The following LRRC9 variants were observed in gnomAD, a reference collection of about 807,000 sequenced individuals.
LRRC9 encodes the protein leucine rich repeat containing 9.
LRRC9 carries 122 observed loss-of-function variants against 63.2 expected under a neutral mutation model. The ratio of observed to expected loss-of-function variants is 1.93; its 90% CI spans 1.67 to 2.24. The LOEUF is 2.24. LRRC9 is among the 30% of genes most tolerant of loss of function. The probability of loss-of-function intolerance (pLI) is 0.00; values close to 1 mark genes in which losing one functional copy is unlikely to be tolerated. For synonymous variants in LRRC9, 366 were observed against 213.1 expected (o/e 1.72, Z -6.25); for missense variants, 1,071 against 627.7 (o/e 1.71, Z -7.55).
chr14:59,974,810 G>C (rs1885937087), intron 13 of LRRC9, 102 bp downstream of exon 13: 2 of 497,782 alleles, frequency 4.0e-6, no homozygotes, highest in Non-Finnish European at 7.0e-6. Context: ...CAACCAAGGA[G>C]ATGTTCTTCA....
Position 59,938,104 on chromosome 14 carries a change from G to C in LRRC9, c.544-286G>C, listed in dbSNP as rs1002477304. Among the ~76,000 whole-genome samples, 1 of 152,172 alleles carries C rather than the reference G, an allele frequency of 6.6e-6. No individual in the cohort carries two copies. The highest frequency in any genetic ancestry group is 1.5e-5 in the Non-Finnish European group (1 of 67,982). On this transcript the variant is annotated intron_variant, in intron 6 of 31. Coordinates refer to ENST00000445360, the Ensembl canonical transcript of LRRC9. The surrounding 1 kb of genome is among the most constrained non-coding windows in gnomAD (Gnocchi z 4.2). ...TGTGTAGGGGAAGCAACTTATTAAT[G>C]AATAAATGTGCTCACATCACTGGCT... is the stretch of plus-strand genomic sequence containing the variant.
intron 8 of LRRC9, among the ~76,000 whole-genome samples, chr14:59,957,375 T>C (rs1883877274): frequency 6.6e-6 from 1 of 152,088 alleles, no homozygotes; most frequent in Non-Finnish European, 1.5e-5. Context: ...TTTCAGTAAG[T>C]TGATCTTCAA....
intron 29 of LRRC9, among the ~76,000 whole-genome samples, chr14:60,040,667 T>C (rs950560357): frequency 1.3e-5 from 2 of 151,956 alleles, no homozygotes; most frequent in African/African-American, 4.9e-5. Context: ...GCCTGTGAGA[T>C]GGGTCTCCTG....
intron 1 of LRRC9, among the ~76,000 whole-genome samples, chr14:59,920,723 C>T (rs746435824): frequency 6.6e-6 from 1 of 152,174 alleles, no homozygotes; most frequent in Admixed American, 6.5e-5. Flanking sequence ...AAAGTTTTCT[C>T]AGAATGACAT....
chr14:60,007,053 T>C (rs1026215363), intron 22 of LRRC9, among the ~76,000 whole-genome samples: 4 of 152,234 alleles, frequency 2.6e-5, no homozygotes, highest in Admixed American at 1.3e-4. Flanking sequence ...AGAGGGTTTC[T>C]ATAGCACAGA....
chr14:59,954,515 C>T (rs1883521489), intron 8 of LRRC9, among the ~76,000 whole-genome samples: 1 of 152,076 alleles, frequency 6.6e-6, no homozygotes, highest in African/African-American at 2.4e-5. Flanking sequence ...GATTTTATAT[C>T]CTGAGACTTT....
intron 25 of LRRC9, 95 bp downstream of exon 25, chr14:60,018,574 A>C (rs1890877785): frequency 2.1e-6 from 1 of 480,326 alleles, no homozygotes; most frequent in African/African-American, 2.0e-5. Flanking sequence ...ATTAAAGTAG[A>C]TAAATTATTC....
In LRRC9 at chr14:60,031,444, A is replaced by G. The variant is rs1891983347; in HGVS notation, c.3922-551A>G. Among the ~76,000 whole-genome samples, 1 of 152,054 alleles carries G rather than the reference A, an allele frequency of 6.6e-6. No individual in the cohort carries two copies. Among genetic ancestry groups the G allele is most frequent in the South Asian group, 2.1e-4 (1 of 4,832 alleles). On this transcript the variant is annotated intron_variant, in intron 28 of 31. Transcript: ENST00000445360. The surrounding 1 kb of genome is among the most constrained non-coding windows in gnomAD (Gnocchi z 4.6). ...TTTGCAAAAACTAAAATGTATTTGC[A>G]AACTTTCACCAATGTTAAATGGAAG...
chr14:59,925,398 AC>A (rs1889129266), intron 1 of LRRC9, among the ~76,000 whole-genome samples: 1 of 152,144 alleles, frequency 6.6e-6, no homozygotes, highest in Non-Finnish European at 1.5e-5. Context: ...AACAGTATGT[AC>A]TCACATGGCC....
In LRRC9 at chr14:60,022,716, C is replaced by A; in HGVS notation, c.3567-18C>A. 3.5e-6 allele frequency: 2 copies of A among 576,144 alleles called. No individual in the cohort carries two copies. Among genetic ancestry groups the A allele is most frequent in the Admixed American group, 2.6e-5 (1 of 38,808 alleles). 35.7% of individuals were successfully genotyped at this position (576,144 alleles called of 1,614,324 possible). Reference sequence around the variant, plus strand: ...TTGAAGTTAAGTTTATGGCCTCAAACTTACCTATGTGTTTCAGAGATATAA... The same window carrying A: ...TTGAAGTTAAGTTTATGGCCTCAAAATTACCTATGTGTTTCAGAGATATAA... On this transcript the variant is annotated intron_variant, in intron 26 of 31. Coordinates refer to ENST00000445360, the Ensembl canonical transcript of LRRC9.
At chr14:59,989,925 T>TC (rs1258247576) in intron 17 of LRRC9, among the ~76,000 whole-genome samples, 5 of 150,076 alleles carry the variant, frequency 3.3e-5, no homozygotes, top group African/African-American at 7.4e-5. Flanking sequence ...GTCTAGACCT[T>TC]CCTTTTTTTT....
chr14:59,920,706 G>GA (rs942945174), intron 1 of LRRC9, among the ~76,000 whole-genome samples: 1 of 151,590 alleles, frequency 6.6e-6, no homozygotes, highest in African/African-American at 2.4e-5. Context: ...ACTGGGCAGA[G>GA]AAAAAAAAAG....
intron 23 of LRRC9, among the ~76,000 whole-genome samples, chr14:60,013,567 T>C (rs1437075459): frequency 1.3e-5 from 2 of 152,182 alleles, no homozygotes; most frequent in Non-Finnish European, 2.9e-5. Flanking sequence ...CTGGGGACTC[T>C]AGCTTCAAAT....
chr14:60,035,452 T>C (rs1892352732), intron 29 of LRRC9, among the ~76,000 whole-genome samples: 1 of 152,236 alleles, frequency 6.6e-6, no homozygotes, highest in South Asian at 2.1e-4. Flanking sequence ...TCACCAATGC[T>C]TTCTTCTAGT....
At position 59,986,470 on chromosome 14, in the gene LRRC9, TC is replaced by T. The variant is rs1357459900; in HGVS notation, c.2211+1247del. Among the ~76,000 whole-genome samples the T allele has an allele frequency of 6.6e-6, 1 of 152,234 alleles. No individual in the cohort carries two copies. Among genetic ancestry groups the T allele is most frequent in the African/African-American group, 2.4e-5 (1 of 41,466 alleles). Reference sequence around the variant, plus strand: ...TTTAGTGTTAAACTCACTTCCTTTTTCTTTTGGTAGGCCCAAGCCCTTTTAA... The same window carrying T: ...TTTAGTGTTAAACTCACTTCCTTTTTTTTTGGTAGGCCCAAGCCCTTTTAA... On this transcript the variant is annotated intron_variant, in intron 17 of 31. Transcript: ENST00000445360. This position sits in a 1 kb window ranked among gnomAD's most constrained non-coding sequence, Gnocchi z 4.7.
rs1184845325 is a variant in LRRC9 at position 59,932,536 on chromosome 14, G to T, written c.543+497G>T. Among the ~76,000 whole-genome samples the T allele has an allele frequency of 6.6e-6, 1 of 152,014 alleles. No homozygotes were observed. The highest frequency in any genetic ancestry group is 1.5e-5 in the Non-Finnish European group (1 of 67,994). On this transcript the variant is annotated intron_variant, in intron 6 of 31. Coordinates refer to ENST00000445360, the Ensembl canonical transcript of LRRC9. This position sits in a 1 kb window ranked among gnomAD's most constrained non-coding sequence, Gnocchi z 4.7. Reference sequence around the variant, plus strand: ...TTTTTCCTCTACCAGGCCTTCTCCTGCAGTCTTCCTCACCTCTCTAAATGG... The same window carrying T: ...TTTTTCCTCTACCAGGCCTTCTCCTTCAGTCTTCCTCACCTCTCTAAATGG...
At chr14:59,967,395 T>A (rs1884970704) in intron 12 of LRRC9, among the ~76,000 whole-genome samples, 182 bp downstream of exon 12, 1 of 152,216 alleles carries the variant, frequency 6.6e-6, no homozygotes, top group Non-Finnish European at 1.5e-5. Context: ...TATACCAAAG[T>A]AAGCCCATTA....
At chr14:60,007,985 C>A (rs1438506720) in intron 22 of LRRC9, 107 bp from the exon 23 acceptor site, 4 of 469,002 alleles carry the variant, frequency 8.5e-6, no homozygotes, top group East Asian at 3.5e-5. Flanking sequence ...GCACTGAAAT[C>A]CCATGGAATG....
At chr14:59,961,198 T>C (rs542695514) in intron 10 of LRRC9, among the ~76,000 whole-genome samples, 153 bp downstream of exon 10, 3 of 152,310 alleles carry the variant, frequency 2.0e-5, no homozygotes, top group East Asian at 1.9e-4. Flanking sequence ...CAGGCATCTA[T>C]TGAAAACTGA....
Sources: allele counts gnomAD v4.1 joint callset (sites outside exome capture counted in the v4.1 genomes callset), GRCh38; gene constraint gnomAD v4.1.1; non-coding constraint Gnocchi (gnomAD v3.1); transcripts MANE v1.5; gene names NCBI Gene and HGNC (gene_info 2026-07-23, HGNC 2026-07-21).